The following ACKR2 variants were observed in gnomAD, a reference collection of about 807,000 sequenced individuals.
The protein encoded by ACKR2 is C-C chemokine receptor D6.
For missense variants in ACKR2, 457 were observed against 477.3 expected, an observed-to-expected ratio of 0.96 and a Z score of 0.40; for synonymous variants, 207 against 192.2, an observed-to-expected ratio of 1.08 and a Z score of -0.64.
intron 2 of ACKR2, among the ~76,000 whole-genome samples, chr3:42,860,259 G>C (rs886231810): frequency 7.2e-6 from 1 of 138,928 alleles, no homozygotes; most frequent in Non-Finnish European, 1.6e-5. Context: ...GACAAAAAAG[G>C]GCATTACATA....
Position 42,864,766 on chromosome 3 carries a change from G to T in ACKR2, c.264G>T (p.Leu88=). 6.2e-7 allele frequency: 1 copy of T among 1,614,180 alleles called. No individual in the cohort carries two copies. Among genetic ancestry groups the T allele is most frequent in the Non-Finnish European group, 8.5e-7 (1 of 1,180,046 alleles). The change falls in exon 3 of 3, where the codon CTG becomes CTT. Residue 88 remains leucine (L), a synonymous_variant. Coordinates refer to ENST00000422265, the MANE Select transcript of ACKR2 (RefSeq NM_001296.5). ...RRMVEIYLLN[L]AISNLLFLVT... Reference sequence around the variant, plus strand: ...TGGTTGAGATCTATCTGCTGAATCTGGCCATCTCCAACCTTCTGTTTCTGG... The same window carrying T: ...TGGTTGAGATCTATCTGCTGAATCTTGCCATCTCCAACCTTCTGTTTCTGG...
In ACKR2 at chr3:42,865,948, C is replaced by T. The variant is rs535169879; in HGVS notation, c.*291C>T. 124 of 345,016 alleles carry T rather than the reference C, an allele frequency of 3.6e-4. No homozygotes were observed. The highest frequency in any genetic ancestry group is 2.5e-3 in the African/African-American group (119 of 46,768). 21.4% of individuals were successfully genotyped at this position (345,016 alleles called of 1,614,324 possible). A position where few individuals can be genotyped will look rare whatever the true frequency, so the allele number is the denominator to read the frequency against. On this transcript the variant is annotated 3_prime_UTR_variant, in exon 3 of 3. Transcript: ENST00000422265. ...CCTCCCTCCCTCCCTCGCTTCTTCC[C>T]TTCCTCCTTTCCTCCCTTCCTACTT...
At chr3:42,840,896 G>T (rs1025743106) in intron 2 of ACKR2, among the ~76,000 whole-genome samples, 5 of 152,102 alleles carry the variant, frequency 3.3e-5, no homozygotes, top group African/African-American at 1.2e-4. Context: ...CATCATGTTG[G>T]CCAGACTGGT....
In ACKR2 at chr3:42,824,356, T is replaced by C. The variant is rs574532144; in HGVS notation, c.-38+4645T>C. Among the ~76,000 whole-genome samples the C allele has an allele frequency of 4.1e-4, 63 of 152,334 alleles. 1 individual carries two copies. The highest frequency in any genetic ancestry group is 3.9e-4 in the Admixed American group (6 of 15,294). ...TGAATCCATGGATTTGGAACCCATA[T>C]GAATACAGAGGGCTGACTATATACA... On this transcript the variant is annotated intron_variant, in intron 2 of 2. Transcript: ENST00000422265.
chr3:42,861,030 G>C (rs1014342606), intron 2 of ACKR2, among the ~76,000 whole-genome samples: 1 of 152,006 alleles, frequency 6.6e-6, no homozygotes, highest in Non-Finnish European at 1.5e-5. Context: ...AACTGAAGGA[G>C]AGAGAGAGAT....
At chr3:42,833,689 C>T (rs962953136) in intron 2 of ACKR2, among the ~76,000 whole-genome samples, 4 of 146,274 alleles carry the variant, frequency 2.7e-5, no homozygotes, top group East Asian at 2.1e-4. Context: ...GTGGGAATGA[C>T]GATTTGAGAG....
At chr3:42,833,683 G>A (rs1700955235) in intron 2 of ACKR2, among the ~76,000 whole-genome samples, 1 of 149,818 alleles carries the variant, frequency 6.7e-6, no homozygotes, top group South Asian at 2.2e-4. Flanking sequence ...TACTTAGTGG[G>A]AATGACGATT....
At chr3:42,857,347 G>T (rs1321636012) in intron 2 of ACKR2, among the ~76,000 whole-genome samples, 1 of 152,160 alleles carries the variant, frequency 6.6e-6, no homozygotes, top group African/African-American at 2.4e-5. Context: ...TTAGGTGACT[G>T]AGTAGTTGGT....
intron 2 of ACKR2, among the ~76,000 whole-genome samples, chr3:42,863,104 T>C (rs1456717528): frequency 6.6e-6 from 1 of 152,084 alleles, no homozygotes; most frequent in Non-Finnish European, 1.5e-5. Flanking sequence ...TTGCAATCTA[T>C]CCATCTGACA....
chr3:42,841,175 T>C (rs1257883197), intron 2 of ACKR2, among the ~76,000 whole-genome samples: 1 of 152,208 alleles, frequency 6.6e-6, no homozygotes, highest in Admixed American at 6.5e-5. Context: ...TTAAAAAAAT[T>C]ATAGTATAGC....
At chr3:42,853,396 TA>T (rs1701184235) in intron 2 of ACKR2, among the ~76,000 whole-genome samples, 1 of 152,138 alleles carries the variant, frequency 6.6e-6, no homozygotes, top group African/African-American at 2.4e-5. Context: ...TTATTACATA[TA>T]AAGCTCAGGG....
At chr3:42,809,819 G>A (rs189919797) in intron 1 of ACKR2, among the ~76,000 whole-genome samples, 6 of 151,208 alleles carry the variant, frequency 4.0e-5, no homozygotes, top group African/African-American at 1.2e-4. Flanking sequence ...CCGAGATCGC[G>A]CCACTGTACT....
chr3:42,865,099 C>T lies in ACKR2; in HGVS notation c.597C>T (p.Phe199=), dbSNP rs2088421989. 3.1e-6 allele frequency: 5 copies of T among 1,614,002 alleles called. No individual in the cohort carries two copies. The highest frequency in any genetic ancestry group is 4.2e-6 in the Non-Finnish European group (5 of 1,179,982). Residue 199 remains phenylalanine (F), a synonymous_variant, in exon 3 of 3, where the codon TTC becomes TTT. Coordinates refer to ENST00000422265, the MANE Select transcript of ACKR2 (RefSeq NM_001296.5). ...GTGTGTGGAACTGCCACGCAGATTT[C>T]GGCGGGCATGGGACCATTTGGAAGC... is the stretch of plus-strand genomic sequence containing the variant. ...PKGVWNCHAD[F]GGHGTIWKLF...
intron 2 of ACKR2, among the ~76,000 whole-genome samples, chr3:42,847,714 G>A (rs1701112421): frequency 6.6e-6 from 1 of 151,554 alleles, no homozygotes. Flanking sequence ...CAGAGCATGA[G>A]CTTGGTGGTG....
chr3:42,849,138 T>C (rs971106698), intron 2 of ACKR2, among the ~76,000 whole-genome samples: 2 of 152,060 alleles, frequency 1.3e-5, no homozygotes, highest in African/African-American at 2.4e-5. Context: ...TACTCAATAG[T>C]ATCATGTCAA....
chr3:42,860,163 G>GAAAAAAAAAAAAAAAAAAAA (rs2088367013), intron 2 of ACKR2, among the ~76,000 whole-genome samples: 1 of 4,930 alleles, frequency 2.0e-4, no homozygotes, highest in Non-Finnish European at 4.5e-4. Flanking sequence ...CAAATGGAAA[G>GAAAAAAAAAAAAAAAAAAAA]CAAAAAAAAA....
chr3:42,842,781 G>C (rs1238225894), intron 2 of ACKR2, among the ~76,000 whole-genome samples: 1 of 151,968 alleles, frequency 6.6e-6, no homozygotes, highest in Non-Finnish European at 1.5e-5. Context: ...TCAGGAGTTT[G>C]AGACCAGCTT....
At chr3:42,840,575 G>C (rs1701026957) in intron 2 of ACKR2, among the ~76,000 whole-genome samples, 1 of 152,316 alleles carries the variant, frequency 6.6e-6, no homozygotes, top group African/African-American at 2.4e-5. Context: ...CTGAGGCCTG[G>C]GTAACTTGAC....
rs1484766980 is a variant in ACKR2, at chr3:42,865,994, G to A, written c.*337G>A. 2 of 266,630 alleles carry A rather than the reference G, an allele frequency of 7.5e-6. No individual in the cohort carries two copies. Among genetic ancestry groups the A allele is most frequent in the Non-Finnish European group, 1.4e-5 (2 of 140,402 alleles). 16.5% of individuals were successfully genotyped at this position (266,630 alleles called of 1,614,324 possible). On this transcript the variant is annotated 3_prime_UTR_variant, in exon 3 of 3. Transcript: ENST00000422265. ...TACTTTCCTTCCTTCCTTCTGACAG[G>A]GTCTTGCTCTATTGCTCTGTCACCC...
Sources: gnomAD v4.1 joint callset for allele counts (sites outside exome capture counted in the v4.1 genomes callset) on GRCh38, gnomAD v4.1.1 for gene constraint, MANE v1.5 for transcripts, NCBI Gene and HGNC (gene_info 2026-07-23, HGNC 2026-07-21) for gene names.